ATG2A: variants seen among roughly 807,000 people sequenced by gnomAD.
ATG2A encodes the protein autophagy related 2A, also known as autophagy-related protein 2 homolog A.
A neutral mutation model predicts 214.2 loss-of-function variants in ATG2A; 103 were observed. The ratio of observed to expected loss-of-function variants is 0.48; its 90% CI spans 0.41 to 0.57. ATG2A has a LOEUF of 0.57. Among genes scored for constraint, ATG2A ranks in the 20% least tolerant of loss-of-function variants. The probability of loss-of-function intolerance (pLI) is 0.00; values close to 1 mark genes in which losing one functional copy is unlikely to be tolerated. For synonymous variants in ATG2A, 1,160 were observed against 1,142.1 expected, an observed-to-expected ratio of 1.02 and a Z score of -0.32; for missense variants, 2,312 against 2,613.2, an observed-to-expected ratio of 0.88 and a Z score of 2.51.
Position 64,913,520 on chromosome 11 carries a change from T to C in ATG2A, c.591-119A>G. On this transcript the variant is annotated intron_variant, in intron 4 of 40. Transcript: ENST00000377264. The surrounding 1 kb of genome is among the most constrained non-coding windows in gnomAD (Gnocchi z 4.3). ...GAGCCTAGCCTGCAGAGCTGCCCCA[T>C]CACACCTAGGCCGTCCTGAACCACC... The C allele has an allele frequency of 7.6e-7, 1 of 1,317,004 alleles. No homozygotes were observed. The highest frequency in any genetic ancestry group is 1.0e-6 in the Non-Finnish European group (1 of 986,084). The allele number at this position is 1,317,004 out of a possible 1,614,324, so 81.6% of individuals were successfully genotyped here.
chr11:64,911,196 C>G lies in ATG2A; in HGVS notation c.1308G>C (p.Leu436=). ...ATGGGGCAGACGTCTGAAGCAAGGT[C>G]AGGGTCACACCCCCCAAGGTCATCT... ...LLKMTLGGVT[L]TLLQTSAPSS... Residue 436 remains leucine (L), a synonymous_variant, in exon 10 of 41, where the codon CTG becomes CTC. Coordinates refer to ENST00000377264, the MANE Select transcript of ATG2A (RefSeq NM_015104.3). 6.2e-7 allele frequency: 1 copy of G among 1,614,110 alleles called. No individual in the cohort carries two copies. The highest frequency in any genetic ancestry group is 2.2e-5 in the East Asian group (1 of 44,890).
Position 64,910,179 on chromosome 11 carries a change from G to A in ATG2A, c.1724C>T (p.Ser575Leu). Residue 575 changes from serine to leucine, a missense_variant, in exon 13 of 41, where the codon TCA becomes TTA. Ser to Leu is a moderately radical substitution (Grantham distance 145). Transcript: ENST00000377264. ...TTCTGAGTGGCAATGGCAGGCAACTGAGCGCCGGGGTCGGCTCTGAGGGCG... is the reference window on the plus strand; with the variant it reads ...TTCTGAGTGGCAATGGCAGGCAACTAAGCGCCGGGGTCGGCTCTGAGGGCG... Reference protein sequence around the residue: ...RRVPKSRPRRSVACHCHSELA... With the variant: ...RRVPKSRPRRLVACHCHSELA... 6.2e-6 allele frequency: 10 copies of A among 1,604,300 alleles called. No individual in the cohort carries two copies. Among genetic ancestry groups the A allele is most frequent in the Non-Finnish European group, 8.5e-6 (10 of 1,176,098 alleles).
At position 64,900,521 on chromosome 11, in the gene ATG2A, A is replaced by T; in HGVS notation, c.4437T>A (p.His1479Gln). The change falls in exon 31 of 41, where the codon CAT becomes CAA. Residue 1479 changes from histidine to glutamine, a missense_variant. Coordinates refer to ENST00000377264, the MANE Select transcript of ATG2A (RefSeq NM_015104.3). ...TGCTCAGCTGGATCTCCATGAGGAC[A>T]TGGTGCTGCCGCCCGCTGCCCCCCT... Reference protein sequence around the residue: ...RTQGGSGRQHHVLMEIQLSKV... With the variant: ...RTQGGSGRQHQVLMEIQLSKV... 6.2e-7 allele frequency: 1 copy of T among 1,613,560 alleles called. No homozygotes were observed. The highest frequency in any genetic ancestry group is 8.5e-7 in the Non-Finnish European group (1 of 1,180,018).
chr11:64,909,388 AG>A (rs748828155), intron 14 of ATG2A, 21 bp from the exon 15 acceptor site: 1 of 1,603,866 alleles, frequency 6.2e-7, no homozygotes, highest in Non-Finnish European at 8.5e-7. Flanking sequence ...ATGGGGAATT[AG>A]GGGGGTCATC....
In ATG2A at chr11:64,902,064, T is replaced by A; in HGVS notation, c.4017A>T (p.Ser1339=). ...PVGGPAGSLG[S]CSEEKEDERE... ...TTTCATCTTCCTTCTCCTCTGAGCA[T>A]GACCCTAAGCTGCCAGCAGGGCCCC... Residue 1339 remains serine (S), a synonymous_variant, in exon 29 of 41, where the codon TCA becomes TCT. Transcript: ENST00000377264. The A allele has an allele frequency of 6.2e-7, 1 of 1,614,052 alleles. No individual in the cohort carries two copies. Among genetic ancestry groups the A allele is most frequent in the Non-Finnish European group, 8.5e-7 (1 of 1,180,026 alleles).
At position 64,895,109 on chromosome 11, in the gene ATG2A, G is replaced by A; in HGVS notation, c.5681C>T (p.Pro1894Leu). 2 of 1,613,056 alleles carry A rather than the reference G, an allele frequency of 1.2e-6. No homozygotes were observed. The highest frequency in any genetic ancestry group is 1.7e-6 in the Non-Finnish European group (2 of 1,179,804). ...GATGAGCGGCTTCACCACAGTCGGG[G>A]GCAGCTGGCGGATCACGCCCCCCAC... is the stretch of plus-strand genomic sequence containing the variant. ...GAVGGVIRQL[P>L]PTVVKPLILA... Residue 1894 changes from proline (P) to leucine (L), a missense_variant, in exon 41 of 41, where the codon CCC (proline) becomes CTC (leucine). Coordinates refer to ENST00000377264, the MANE Select transcript of ATG2A (RefSeq NM_015104.3). The surrounding 1 kb of genome is among the most constrained non-coding windows in gnomAD (Gnocchi z 5.0).
chr11:64,894,775 A>G lies in ATG2A; in HGVS notation c.*198T>C, dbSNP rs1156892054. 6 of 748,414 alleles carry G rather than the reference A, an allele frequency of 8.0e-6. No homozygotes were observed. The highest frequency in any genetic ancestry group is 1.4e-5 in the Non-Finnish European group (6 of 422,426). The allele number at this position is 748,414 out of a possible 1,614,324, so 46.4% of individuals were successfully genotyped here. A position where few individuals can be genotyped will look rare whatever the true frequency, so the allele number is the denominator to read the frequency against. ...GCAGTGTCCTTTCTCCCCGGAGGAA[A>G]AGTGCAGAGCCAGGGCTAAGGCCCC... On this transcript the variant is annotated 3_prime_UTR_variant, in exon 41 of 41. Coordinates refer to ENST00000377264, the MANE Select transcript of ATG2A (RefSeq NM_015104.3).
In ATG2A at chr11:64,917,113, C is replaced by T; in HGVS notation, c.23G>A (p.Trp8Ter). Residue 8 changes from tryptophan to a stop codon, truncating the protein, a stop_gained, in exon 1 of 41, where the codon TGG (tryptophan) becomes TAG (stop). Transcript: ENST00000377264. LOFTEE classifies it high-confidence loss of function. ...GACCCGCTCTTTCACACAGTTTGAC[C>T]ATGGCCACAGCCATCGTGACATCTC... MSRWLWP[W>*]SNCVKERVCR... The T allele has an allele frequency of 6.2e-7, 1 of 1,611,332 alleles. No homozygotes were observed. The highest frequency in any genetic ancestry group is 8.5e-7 in the Non-Finnish European group (1 of 1,179,292).
chr11:64,898,732 C>T lies in ATG2A; in HGVS notation c.4575G>A (p.Glu1525=). ...AGGCGAGCCGGTCTCGGACCTCCAG[C>T]TCCTGCACGATGAACACCTGACGGG... ...PLSRQVFIVQ[E]LEVRDRLASS... Residue 1525 remains glutamate, a synonymous_variant, in exon 32 of 41, where the codon GAG becomes GAA. Coordinates refer to ENST00000377264, the MANE Select transcript of ATG2A (RefSeq NM_015104.3). The surrounding 1 kb of genome is among the most constrained non-coding windows in gnomAD (Gnocchi z 4.5). 4 of 1,614,156 alleles carry T rather than the reference C, an allele frequency of 2.5e-6. No individual in the cohort carries two copies. The highest frequency in any genetic ancestry group is 3.4e-6 in the Non-Finnish European group (4 of 1,180,028).
Position 64,902,497 on chromosome 11 carries a change from G to C in ATG2A, c.3777+19C>G. On this transcript the variant is annotated intron_variant, in intron 27 of 40. Transcript: ENST00000377264. ...CTGGCCGAGCTCTGGTAGCCTGTGT[G>C]GCCAGGCCTCACCTGTACCTTCTGG... 1 of 1,542,290 alleles carries C rather than the reference G, an allele frequency of 6.5e-7. No homozygotes were observed. The highest frequency in any genetic ancestry group is 8.7e-7 in the Non-Finnish European group (1 of 1,144,002).
At chr11:64,906,936 C>T (rs1395339464) in intron 19 of ATG2A, 121 bp from the exon 20 acceptor site, 17 of 1,253,304 alleles carry the variant, frequency 1.4e-5, no homozygotes, top group Middle Eastern at 5.5e-4. Context: ...CCACCATGGA[C>T]GCTGCTGGAG....
rs1211183721 is a variant in ATG2A at position 64,909,787 on chromosome 11, C to T, written c.2001G>A (p.Glu667=). The change falls in exon 14 of 41, where the codon GAG becomes GAA. Residue 667 remains glutamate (E), a synonymous_variant. Transcript: ENST00000377264. The part of the protein sequence containing the change: ...DPWAGQAVRA[E]QLRLELSEPQ... Reference sequence around the variant, plus strand: ...GCTCACTCAGCTCCAGCCGAAGCTGCTCAGCCCGCACGGCCTGGCCCGCCC... The same window carrying T: ...GCTCACTCAGCTCCAGCCGAAGCTGTTCAGCCCGCACGGCCTGGCCCGCCC... The T allele has an allele frequency of 1.2e-6, 2 of 1,612,440 alleles. No individual in the cohort carries two copies. The highest frequency in any genetic ancestry group is 1.7e-6 in the Non-Finnish European group (2 of 1,179,906).
intron 16 of ATG2A, 57 bp from the exon 17 acceptor site, chr11:64,907,947 C>G (rs1415556744): frequency 1.3e-6 from 2 of 1,566,198 alleles, no homozygotes; most frequent in African/African-American, 2.7e-5. Context: ...CTGGCTGGGG[C>G]CTGTCTCTGG....
In ATG2A at chr11:64,913,272, C is replaced by T. The variant is rs144446747; in HGVS notation, c.720G>A (p.Pro240=). 3.5e-4 allele frequency: 571 copies of T among 1,611,720 alleles called. 2 individuals carry two copies. The African/African-American group carries it at 6.4e-3, about 18-fold the overall frequency. ...GGAATCAGAGCCCGCTCACCTGTGC[C>T]GGGAGCTCCTCGTAGTGCAGGCGGA... ...AGVRLHYEEL[P]AQEEPPEPPL... Residue 240 remains proline (P), a synonymous_variant, in exon 5 of 41, where the codon CCG becomes CCA. Coordinates refer to ENST00000377264, the MANE Select transcript of ATG2A (RefSeq NM_015104.3). The surrounding 1 kb of genome is among the most constrained non-coding windows in gnomAD (Gnocchi z 4.3).
intron 31 of ATG2A, among the ~76,000 whole-genome samples, chr11:64,899,951 T>C (rs1277618181): frequency 2.0e-5 from 3 of 151,610 alleles, no homozygotes; most frequent in South Asian, 4.2e-4. Context: ...CTCTGCCTCT[T>C]GGGCTCAAAC....
At chr11:64,905,342 C>T (rs1479488733) in intron 24 of ATG2A, among the ~76,000 whole-genome samples, 2 of 152,186 alleles carry the variant, frequency 1.3e-5, no homozygotes, top group African/African-American at 4.8e-5. Flanking sequence ...CCTAGGACAA[C>T]CCTCAGACAT....
At position 64,913,089 on chromosome 11, in the gene ATG2A, G is replaced by T; in HGVS notation, c.774C>A (p.Tyr258Ter). The change falls in exon 6 of 41, where the codon TAC (tyrosine) becomes TAA (stop). Residue 258 changes from tyrosine (Y) to a stop codon, truncating the protein, a stop_gained. Transcript: ENST00000377264. LOFTEE classifies it high-confidence loss of function. The surrounding 1 kb of genome is among the most constrained non-coding windows in gnomAD (Gnocchi z 4.3). ...GCTTCAACTTCACCATCAGCTCCATGTACCCTGAGCAGCTGCCGATCTGCA... is the reference window on the plus strand; with the variant it reads ...GCTTCAACTTCACCATCAGCTCCATTTACCCTGAGCAGCTGCCGATCTGCA... Reference protein sequence around the residue: ...PPLQIGSCSGYMELMVKLKQN... With the variant: ...PPLQIGSCSG The T allele has an allele frequency of 6.3e-7, 1 of 1,577,696 alleles. No homozygotes were observed.
At chr11:64,912,838 C>T in intron 6 of ATG2A, 200 bp downstream of exon 6, 1 of 535,692 alleles carries the variant, frequency 1.9e-6, no homozygotes, top group South Asian at 2.4e-5. Flanking sequence ...GATGATCCAC[C>T]CACCTTGGCC....
At chr11:64,906,623 C>A (rs780303931) in intron 20 of ATG2A, 42 bp downstream of exon 20, 1 of 1,610,674 alleles carries the variant, frequency 6.2e-7, no homozygotes, top group Non-Finnish European at 8.5e-7. Context: ...CCTCCACCCC[C>A]AACCCTGGAC....
Sources: gnomAD v4.1 joint callset for allele counts (sites outside exome capture counted in the v4.1 genomes callset) on GRCh38, gnomAD v4.1.1 for gene constraint, Gnocchi (gnomAD v3.1) non-coding constraint, MANE v1.5 for transcripts, NCBI Gene and HGNC (gene_info 2026-07-23, HGNC 2026-07-21) for gene names.